The following KCNB2 variants were observed in gnomAD, a reference collection of about 807,000 sequenced individuals.
The protein encoded by KCNB2 is delayed rectifier potassium channel protein.
Under a neutral mutation model 61.5 loss-of-function variants are expected in KCNB2, and 15 were observed. The ratio of observed to expected loss-of-function variants is 0.24; its 90% confidence interval spans 0.16 to 0.38. The LOEUF (loss-of-function observed/expected upper bound fraction) is 0.38. Among genes scored for constraint, KCNB2 ranks in the 10% least tolerant of loss-of-function variants. KCNB2 has a pLI of 1.00. For missense variants in KCNB2, 828 were observed against 1,125.2 expected (o/e 0.74, Z 3.78); for synonymous variants, 457 against 446.0 (o/e 1.02, Z -0.31).
intron 2 of KCNB2, among the ~76,000 whole-genome samples, chr8:72,899,288 A>C (rs1806043931): frequency 6.6e-6 from 1 of 152,150 alleles, no homozygotes; most frequent in Admixed American, 6.6e-5. Context: ...CCAACATCAC[A>C]CTGAATGAGC....
chr8:72,569,511 G>T (rs982483188), intron 2 of KCNB2, among the ~76,000 whole-genome samples: 1 of 152,116 alleles, frequency 6.6e-6, no homozygotes, highest in Non-Finnish European at 1.5e-5. Flanking sequence ...GCCAGGACAT[G>T]CACCTAAGTG....
chr8:72,729,967 A>T (rs1012947843), intron 2 of KCNB2, among the ~76,000 whole-genome samples: 5 of 152,198 alleles, frequency 3.3e-5, no homozygotes, highest in Admixed American at 6.5e-5. Context: ...GGCAGAGAAT[A>T]AACTTTTAAT....
At chr8:72,571,952 C>T (rs997800767) in intron 2 of KCNB2, among the ~76,000 whole-genome samples, 1 of 152,198 alleles carries the variant, frequency 6.6e-6, no homozygotes, top group East Asian at 1.9e-4. Flanking sequence ...AAAGAAACTG[C>T]AGTTGCTAGT....
chr8:72,617,816 A>G (rs1284915406), intron 2 of KCNB2, among the ~76,000 whole-genome samples: 1 of 152,170 alleles, frequency 6.6e-6, no homozygotes, highest in Non-Finnish European at 1.5e-5. Flanking sequence ...CCCCGGCCCC[A>G]AGTAATAAAC....
At chr8:72,920,695 G>A (rs1806505266) in intron 2 of KCNB2, among the ~76,000 whole-genome samples, 1 of 151,374 alleles carries the variant, frequency 6.6e-6, no homozygotes, top group Admixed American at 6.6e-5. Context: ...TAAAGACCAG[G>A]TGTAATTTAA....
rs555669570 is a variant in KCNB2 at position 72,936,804 on chromosome 8, C to T, written c.1449C>T (p.Asp483=). 8.1e-6 allele frequency: 13 copies of T among 1,614,062 alleles called. No individual in the cohort carries two copies. The highest frequency in any genetic ancestry group is 4.5e-5 in the East Asian group (2 of 44,878). ...CCGCCAACACAAAGGACTCCGCCGA[C>T]GATAATCACCTGTCGCCAAGCCGGT... ...GESANTKDSA[D]DNHLSPSRWK... The change falls in exon 3 of 3, where the codon GAC becomes GAT. Residue 483 remains aspartate (D), a synonymous_variant. Transcript: ENST00000523207. The surrounding 1 kb of genome is among the most constrained non-coding windows in gnomAD (Gnocchi z 5.6).
At chr8:72,925,212 A>G (rs1463125411) in intron 2 of KCNB2, among the ~76,000 whole-genome samples, 1 of 152,228 alleles carries the variant, frequency 6.6e-6, no homozygotes. Context: ...TAATGGTGAT[A>G]GATGAGATGA....
At chr8:72,621,984 A>G (rs979805921) in intron 2 of KCNB2, among the ~76,000 whole-genome samples, 4 of 152,206 alleles carry the variant, frequency 2.6e-5, no homozygotes, top group African/African-American at 9.7e-5. Context: ...CAAATTATAT[A>G]TGGTTAACAG....
chr8:72,844,611 A>G (rs535454118), intron 2 of KCNB2, among the ~76,000 whole-genome samples: 3 of 152,288 alleles, frequency 2.0e-5, no homozygotes, highest in East Asian at 3.9e-4. Flanking sequence ...ACATAATCCC[A>G]TATTTCTTGG....
intron 2 of KCNB2, among the ~76,000 whole-genome samples, chr8:72,765,757 G>A (rs770369354): frequency 4.6e-5 from 7 of 152,162 alleles, no homozygotes; most frequent in Non-Finnish European, 8.8e-5. Flanking sequence ...GAATCACCGT[G>A]GAGGACTTGT....
At chr8:72,917,272 A>G (rs1806418665) in intron 2 of KCNB2, among the ~76,000 whole-genome samples, 1 of 152,254 alleles carries the variant, frequency 6.6e-6, no homozygotes, top group Non-Finnish European at 1.5e-5. Context: ...AAGGATCAAA[A>G]GGTTGAATTT....
chr8:72,735,586 C>G (rs1331080843), intron 2 of KCNB2, among the ~76,000 whole-genome samples: 1 of 152,154 alleles, frequency 6.6e-6, no homozygotes, highest in African/African-American at 2.4e-5. Context: ...AAGCTCATTC[C>G]TACTTCATCA....
At chr8:72,629,851 T>C (rs954600052) in intron 2 of KCNB2, among the ~76,000 whole-genome samples, 1 of 152,164 alleles carries the variant, frequency 6.6e-6, no homozygotes, top group Admixed American at 6.5e-5. Flanking sequence ...ATCAATTCAG[T>C]AAGCACACAG....
intron 2 of KCNB2, among the ~76,000 whole-genome samples, chr8:72,833,367 A>C (rs1809729369): frequency 6.6e-6 from 1 of 152,168 alleles, no homozygotes; most frequent in South Asian, 2.1e-4. Flanking sequence ...AAAGTTTTAG[A>C]TACCTACTAT....
intron 2 of KCNB2, among the ~76,000 whole-genome samples, chr8:72,573,784 G>A (rs1361552289): frequency 6.6e-6 from 1 of 152,028 alleles, no homozygotes; most frequent in African/African-American, 2.4e-5. Flanking sequence ...GTACCGTGCA[G>A]TGCTCTCCTC....
intron 2 of KCNB2, among the ~76,000 whole-genome samples, chr8:72,916,473 G>A (rs551925355): frequency 1.9e-4 from 29 of 152,140 alleles, no homozygotes; most frequent in Non-Finnish European, 4.1e-4. Context: ...AAACTCCATG[G>A]GGGCCCTGCA....
chr8:72,789,139 C>T (rs1179860042), intron 2 of KCNB2, among the ~76,000 whole-genome samples: 1 of 152,114 alleles, frequency 6.6e-6, no homozygotes, highest in African/African-American at 2.4e-5. Flanking sequence ...AATTTAAATG[C>T]CATGAAAATG....
intron 2 of KCNB2, among the ~76,000 whole-genome samples, chr8:72,913,256 G>A (rs1302393810): frequency 6.6e-6 from 1 of 152,148 alleles, no homozygotes; most frequent in Non-Finnish European, 1.5e-5. Context: ...ACCTACTGGT[G>A]AGAGCAACTC....
At chr8:72,810,274 C>T (rs1405344408) in intron 2 of KCNB2, among the ~76,000 whole-genome samples, 1 of 152,144 alleles carries the variant, frequency 6.6e-6, no homozygotes. Flanking sequence ...GCAGGAGGCT[C>T]ATCTAATTTA....
Sources: gnomAD v4.1 joint callset for allele counts (sites outside exome capture counted in the v4.1 genomes callset) on GRCh38, gnomAD v4.1.1 for gene constraint, Gnocchi (gnomAD v3.1) non-coding constraint, MANE v1.5 for transcripts, NCBI Gene and HGNC (gene_info 2026-07-23, HGNC 2026-07-21) for gene names.